SMARCC1: variants seen among roughly 807,000 people sequenced by gnomAD.
SMARCC1 encodes the protein SWI/SNF complex subunit SMARCC1.
In SMARCC1, 43 loss-of-function variants were observed where a neutral mutation model predicts 147.4. The observed-to-expected ratio is 0.29, with a 90% CI of 0.23 to 0.38. SMARCC1 has a LOEUF of 0.38. Ranked by LOEUF, SMARCC1 falls within the 10% of genes least tolerant of loss-of-function variation. SMARCC1 has a pLI of 1.00. For synonymous variants in SMARCC1, 495 were observed against 484.4 expected (o/e 1.02, Z -0.29); for missense variants, 1,119 against 1,381.1 (o/e 0.81, Z 3.01).
intron 1 of SMARCC1, among the ~76,000 whole-genome samples, chr3:47,780,168 GTT>G (rs10662354): frequency 2.3e-4 from 14 of 61,896 alleles, no homozygotes; most frequent in African/African-American, 9.3e-4. Flanking sequence ...GTTTTTTTTT[GTT>G]TTTTTTTTTT....
At position 47,613,385 on chromosome 3, in the gene SMARCC1, CTTTTTT is replaced by C. The variant is rs200905934; in HGVS notation, c.2782-3064_2782-3059del. The stretch of plus-strand genomic sequence containing the variant: ...AAACTGGAAGTAGGAGAACTTTTCT[CTTTTTT>C]TTTTTTTTTTGAGACGGAGTCTTGC... On this transcript the variant is annotated intron_variant, in intron 25 of 27. Transcript: ENST00000254480. 2.4e-3 allele frequency among the ~76,000 whole-genome samples: 337 copies of C among 141,142 alleles called. 5 individuals carry two copies. The Middle Eastern group carries it at 0.029, about 12-fold the overall frequency. The allele number at this position is 141,142 out of a possible 152,430, so 92.6% of individuals were successfully genotyped here. A position where few individuals can be genotyped will look rare whatever the true frequency, so the allele number is the denominator to read the frequency against.
chr3:47,625,618 G>T (rs908028308), intron 24 of SMARCC1, among the ~76,000 whole-genome samples: 2 of 152,064 alleles, frequency 1.3e-5, no homozygotes, highest in Non-Finnish European at 2.9e-5. Flanking sequence ...TGGGAAAACT[G>T]AATATCCAAA....
intron 26 of SMARCC1, among the ~76,000 whole-genome samples, chr3:47,607,026 T>G (rs1257794113): frequency 6.6e-6 from 1 of 152,176 alleles, no homozygotes; most frequent in Non-Finnish European, 1.5e-5. Flanking sequence ...AGGAATTTAA[T>G]TTTTAAATAA....
At chr3:47,617,121 C>A (rs1349743040) in intron 25 of SMARCC1, among the ~76,000 whole-genome samples, 1 of 152,182 alleles carries the variant, frequency 6.6e-6, no homozygotes. Context: ...AGCAAAAGCT[C>A]ATTTCTTTAT....
chr3:47,744,927 ATAGCAAAATGGAATACTC>A (rs1328255137), intron 3 of SMARCC1, among the ~76,000 whole-genome samples: 1 of 152,188 alleles, frequency 6.6e-6, no homozygotes, highest in Non-Finnish European at 1.5e-5. Flanking sequence ...TGTCCTGAGG[ATAGCAAAATGGAATACTC>A]TTGCAGGCCT....
At chr3:47,668,487 T>C (rs2033452173) in intron 19 of SMARCC1, among the ~76,000 whole-genome samples, 1 of 152,206 alleles carries the variant, frequency 6.6e-6, no homozygotes, top group Admixed American at 6.5e-5. Context: ...AATTGAAATG[T>C]TGCCTCCAAT....
At chr3:47,752,063 G>A (rs188998053) in intron 2 of SMARCC1, among the ~76,000 whole-genome samples, 7 of 152,274 alleles carry the variant, frequency 4.6e-5, no homozygotes, top group Middle Eastern at 6.8e-3. Context: ...CAGCCTGAGT[G>A]ACAGAGCGAG....
intron 1 of SMARCC1, among the ~76,000 whole-genome samples, chr3:47,780,774 G>C (rs937990946): frequency 2.6e-5 from 4 of 151,924 alleles, no homozygotes; most frequent in African/African-American, 7.3e-5. Flanking sequence ...TCGGCTACCT[G>C]CTTCATTACA....
intron 1 of SMARCC1, among the ~76,000 whole-genome samples, chr3:47,776,781 TTTC>T (rs1050155929): frequency 6.6e-6 from 1 of 151,930 alleles, no homozygotes; most frequent in African/African-American, 2.4e-5. Flanking sequence ...ATATATATTT[TTTC>T]TTTTTTTTAA....
chr3:47,592,718 C>A (rs2032203833), intron 26 of SMARCC1, among the ~76,000 whole-genome samples: 1 of 152,192 alleles, frequency 6.6e-6, no homozygotes, highest in African/African-American at 2.4e-5. Context: ...CCTGCCTCAG[C>A]CTCTCAAGTA....
intron 2 of SMARCC1, among the ~76,000 whole-genome samples, chr3:47,767,802 A>AGGTT (rs2034858891): frequency 6.6e-6 from 1 of 151,598 alleles, no homozygotes; most frequent in Non-Finnish European, 1.5e-5. Context: ...CGGGAGGCAG[A>AGGTT]GGTTGCAGTG....
Position 47,675,540 on chromosome 3 carries a change from T to C in SMARCC1, c.1774A>G (p.Lys592Glu). ...MLNFPEKNKE[K>E]PVDLQNFGLR... ...CCAAAGTTCTGCAAATCAACTGGTT[T>C]TTCCTTGTTTTTCTCAGGAAAATTT... Residue 592 changes from lysine to glutamate, a missense_variant, in exon 18 of 28, where the codon AAA (lysine) becomes GAA (glutamate). Coordinates refer to ENST00000254480, the MANE Select transcript of SMARCC1 (RefSeq NM_003074.4). 6.2e-7 allele frequency: 1 copy of C among 1,613,164 alleles called. No homozygotes were observed. Among genetic ancestry groups the C allele is most frequent in the Non-Finnish European group, 8.5e-7 (1 of 1,179,088 alleles).
intron 1 of SMARCC1, among the ~76,000 whole-genome samples, 169 bp downstream of exon 1, chr3:47,781,434 G>A (rs2035046637): frequency 1.3e-5 from 2 of 152,192 alleles, no homozygotes; most frequent in Admixed American, 1.3e-4. Flanking sequence ...TCAGGCCCCG[G>A]GATCGCGGGC....
chr3:47,659,035 T>C (rs1029702441), intron 21 of SMARCC1, among the ~76,000 whole-genome samples: 1 of 151,202 alleles, frequency 6.6e-6, no homozygotes, highest in Non-Finnish European at 1.5e-5. Context: ...GGAGAATTGC[T>C]TGAACCCAGG....
chr3:47,680,071 A>G (rs1188149830), intron 15 of SMARCC1, among the ~76,000 whole-genome samples: 1 of 152,068 alleles, frequency 6.6e-6, no homozygotes, highest in Admixed American at 6.6e-5. Context: ...ATAAATAAAC[A>G]TCAGCCAAGT....
chr3:47,764,296 A>C (rs1390764279), intron 2 of SMARCC1, among the ~76,000 whole-genome samples: 1 of 152,110 alleles, frequency 6.6e-6, no homozygotes, highest in Non-Finnish European at 1.5e-5. Flanking sequence ...TCAGTCTCCC[A>C]AGTAGTCTGG....
chr3:47,703,095 A>AT (rs1035271861), intron 10 of SMARCC1, among the ~76,000 whole-genome samples: 39 of 148,978 alleles, frequency 2.6e-4, no homozygotes, highest in East Asian at 5.9e-4. Context: ...GCACCGGCTA[A>AT]TTTTTTTTTT....
intron 5 of SMARCC1, 139 bp from the exon 6 acceptor site, chr3:47,729,233 A>G (rs1481858636): frequency 6.6e-6 from 4 of 605,830 alleles, no homozygotes; most frequent in Non-Finnish European, 1.1e-5. Flanking sequence ...GCTTCTTTTT[A>G]GTCAAATAAA....
chr3:47,737,324 T>G (rs1041029602), intron 4 of SMARCC1, among the ~76,000 whole-genome samples: 11 of 151,946 alleles, frequency 7.2e-5, no homozygotes, highest in African/African-American at 2.4e-4. Flanking sequence ...AGCCCGAGAG[T>G]TCAAAGCTGC....
Sources: allele counts gnomAD v4.1 joint callset (sites outside exome capture counted in the v4.1 genomes callset), GRCh38; gene constraint gnomAD v4.1.1; transcripts MANE v1.5; gene names NCBI Gene and HGNC (gene_info 2026-07-23, HGNC 2026-07-21).